The following CSMD1 variants were observed in gnomAD, a reference collection of about 807,000 sequenced individuals.
The protein encoded by CSMD1 is CUB and Sushi multiple domains 1, also known as CUB and sushi domain-containing protein 1.
Under a neutral mutation model 417.5 loss-of-function variants are expected in CSMD1, and 213 were observed. The ratio of observed to expected loss-of-function variants is 0.51; its 90% CI spans 0.46 to 0.57. The LOEUF (loss-of-function observed/expected upper bound fraction) is 0.57, where lower values mean the gene tolerates loss of function less well. Ranked by LOEUF, CSMD1 falls within the 20% of genes least tolerant of loss-of-function variation. CSMD1 has a pLI of 0.00. For missense variants in CSMD1, 6,923 were observed against 4,529.7 expected, an observed-to-expected ratio of 1.53 and a Z score of -15.17; for synonymous variants, 2,862 against 1,736.8, an observed-to-expected ratio of 1.65 and a Z score of -16.11.
Position 3,381,001 on chromosome 8 carries a change from T to A in CSMD1, c.2782+6493A>T, listed in dbSNP as rs1388785796. Among the ~76,000 whole-genome samples the A allele has an allele frequency of 2.6e-5, 4 of 152,176 alleles. No homozygotes were observed. In the South Asian group the frequency reaches 8.3e-4, roughly 31 times the overall value. ...TGAATGCACAGGTATGTGAGAAGGTTGTTTTGAGAAAAACCTCACTTACAA... is the reference window on the plus strand; with the variant it reads ...TGAATGCACAGGTATGTGAGAAGGTAGTTTTGAGAAAAACCTCACTTACAA... On this transcript the variant is annotated intron_variant, in intron 18 of 69. Coordinates refer to ENST00000635120, the MANE Select transcript of CSMD1 (RefSeq NM_033225.6).
rs1023240677 is a variant in CSMD1 at position 3,945,148 on chromosome 8, T to C, written c.818+52755A>G. Among the ~76,000 whole-genome samples the C allele has an allele frequency of 4.7e-5, 6 of 128,886 alleles. No individual in the cohort carries two copies. In the East Asian group the frequency reaches 1.4e-3, roughly 29 times the overall value. The allele number at this position is 128,886 out of a possible 152,430, so 84.6% of individuals were successfully genotyped here. A position where few individuals can be genotyped will look rare whatever the true frequency, so the allele number is the denominator to read the frequency against. On this transcript the variant is annotated intron_variant, in intron 5 of 69. Coordinates refer to ENST00000635120, the MANE Select transcript of CSMD1 (RefSeq NM_033225.6). Reference sequence around the variant, plus strand: ...TGTAAGTGATACACAATTTGAACAATGATTGCCAATAATTTGACCATGAGA... The same window carrying C: ...TGTAAGTGATACACAATTTGAACAACGATTGCCAATAATTTGACCATGAGA...
At chr8:3,643,420 G>A (rs564097269) in intron 7 of CSMD1, among the ~76,000 whole-genome samples, 8 of 152,078 alleles carry the variant, frequency 5.3e-5, no homozygotes, top group African/African-American at 1.9e-4. Flanking sequence ...TGCCTCCTCT[G>A]GGCCGGACGC....
At chr8:4,651,552 C>T (rs553179810) in intron 1 of CSMD1, among the ~76,000 whole-genome samples, 182 of 152,316 alleles carry the variant, frequency 1.2e-3, no homozygotes, top group African/African-American at 4.3e-3. Flanking sequence ...TCATAATTTA[C>T]TATTTTACTT....
chr8:3,865,336 T>G (rs1312894772), intron 5 of CSMD1, among the ~76,000 whole-genome samples: 1 of 152,184 alleles, frequency 6.6e-6, no homozygotes, highest in African/African-American at 2.4e-5. Context: ...CTGTAAACTC[T>G]GAAATGCTCT....
intron 3 of CSMD1, among the ~76,000 whole-genome samples, chr8:4,161,751 C>T (rs1171971748): frequency 6.6e-6 from 1 of 152,106 alleles, no homozygotes; most frequent in South Asian, 2.1e-4. Context: ...GATTCTGGAA[C>T]CAGTTTCAAG....
chr8:4,217,322 C>G (rs1356910343), intron 3 of CSMD1, among the ~76,000 whole-genome samples: 1 of 152,152 alleles, frequency 6.6e-6, no homozygotes, highest in Non-Finnish European at 1.5e-5. Context: ...CCCCTGTGTG[C>G]CAGGTGCTGC....
chr8:3,871,184 T>C (rs1805460489), intron 5 of CSMD1, among the ~76,000 whole-genome samples: 1 of 152,078 alleles, frequency 6.6e-6, no homozygotes, highest in Admixed American at 6.5e-5. Context: ...AATGCAAATG[T>C]GCAAATATTT....
intron 2 of CSMD1, among the ~76,000 whole-genome samples, chr8:4,619,265 T>C (rs1288026842): frequency 6.6e-6 from 1 of 152,158 alleles, no homozygotes; most frequent in African/African-American, 2.4e-5. Context: ...TATGTTTAAA[T>C]GCTGTTAAAT....
intron 18 of CSMD1, among the ~76,000 whole-genome samples, chr8:3,373,018 T>A (rs1324317287): frequency 6.6e-6 from 1 of 152,222 alleles, no homozygotes; most frequent in African/African-American, 2.4e-5. Context: ...TCTCAAATTT[T>A]TATGAAGACG....
chr8:3,984,375 C>T (rs902575519), intron 5 of CSMD1, among the ~76,000 whole-genome samples: 1 of 152,070 alleles, frequency 6.6e-6, no homozygotes, highest in South Asian at 2.1e-4. Flanking sequence ...CTCTGTTTTC[C>T]TATTTAGACT....
At chr8:2,962,696 A>G in intron 60 of CSMD1, 57 bp from the exon 61 acceptor site, 3 of 1,536,500 alleles carry the variant, frequency 2.0e-6, no homozygotes, top group Non-Finnish European at 2.7e-6. Context: ...CAGCTTCACC[A>G]ATTGAGCTTG....
intron 3 of CSMD1, among the ~76,000 whole-genome samples, chr8:4,199,793 G>A (rs758342129): frequency 6.6e-6 from 1 of 152,114 alleles, no homozygotes; most frequent in Non-Finnish European, 1.5e-5. Context: ...TGTTTAGATA[G>A]AAAATCGGAT....
intron 3 of CSMD1, among the ~76,000 whole-genome samples, chr8:4,085,252 T>C (rs1046273937): frequency 6.6e-6 from 1 of 152,196 alleles, no homozygotes; most frequent in South Asian, 2.1e-4. Flanking sequence ...CTGACAGAGC[T>C]TCTTCCCCAA....
chr8:3,910,562 G>C (rs1305989393), intron 5 of CSMD1, among the ~76,000 whole-genome samples: 6 of 152,170 alleles, frequency 3.9e-5, no homozygotes, highest in Non-Finnish European at 8.8e-5. Context: ...AACTTGAGCA[G>C]ACAGTATTAT....
intron 1 of CSMD1, among the ~76,000 whole-genome samples, chr8:4,706,277 C>T (rs984695009): frequency 7.9e-5 from 12 of 151,780 alleles, no homozygotes; most frequent in African/African-American, 2.9e-4. Context: ...TCTTTTAATT[C>T]CCTGTCCATT....
chr8:3,245,403 C>G (rs1799811018), intron 26 of CSMD1, among the ~76,000 whole-genome samples: 1 of 152,318 alleles, frequency 6.6e-6, no homozygotes, highest in Admixed American at 6.5e-5. Flanking sequence ...GACTTTTCCC[C>G]CTCTCTTTCT....
intron 1 of CSMD1, among the ~76,000 whole-genome samples, chr8:4,933,920 T>A (rs1807424415): frequency 6.6e-6 from 1 of 152,202 alleles, no homozygotes; most frequent in South Asian, 2.1e-4. Flanking sequence ...CATTTTTAAA[T>A]TTCATAATAG....
chr8:3,069,817 C>T (rs577287111), intron 49 of CSMD1, among the ~76,000 whole-genome samples: 1 of 152,222 alleles, frequency 6.6e-6, no homozygotes, highest in Non-Finnish European at 1.5e-5. Flanking sequence ...CTTGGCACTG[C>T]CCTAGTAGAG....
At chr8:4,171,689 AG>A (rs1797772898) in intron 3 of CSMD1, among the ~76,000 whole-genome samples, 1 of 149,630 alleles carries the variant, frequency 6.7e-6, no homozygotes, top group Admixed American at 6.6e-5. Flanking sequence ...TTTAGAACAA[AG>A]TTAATTTGCT....
Sources: allele counts gnomAD v4.1 joint callset (sites outside exome capture counted in the v4.1 genomes callset), GRCh38; gene constraint gnomAD v4.1.1; transcripts MANE v1.5; gene names NCBI Gene and HGNC (gene_info 2026-07-23, HGNC 2026-07-21).